The following SLIT3 variants were observed in gnomAD, a reference collection of about 807,000 sequenced individuals.
SLIT3 encodes slit homolog 3 protein.
Under a neutral mutation model 184.0 loss-of-function variants are expected in SLIT3, and 68 were observed. The observed-to-expected ratio is 0.37, with a 90% confidence interval of 0.30 to 0.45. The LOEUF (loss-of-function observed/expected upper bound fraction) is 0.45, where lower values mean the gene tolerates loss of function less well. Among genes scored for constraint, SLIT3 ranks in the 20% least tolerant of loss-of-function variants. The probability of loss-of-function intolerance (pLI) is 1.00; values close to 1 mark genes in which losing one functional copy is unlikely to be tolerated. For synonymous variants in SLIT3, 831 were observed against 828.6 expected (o/e 1.00, Z -0.05); for missense variants, 1,707 against 2,026.0 (o/e 0.84, Z 3.02).
chr5:169,040,733 C>T (rs1282091426), intron 4 of SLIT3, among the ~76,000 whole-genome samples: 1 of 152,214 alleles, frequency 6.6e-6, no homozygotes, highest in African/African-American at 2.4e-5. Flanking sequence ...TCTCCTAGGA[C>T]TCTCCAATCT....
intron 3 of SLIT3, among the ~76,000 whole-genome samples, chr5:169,197,407 G>A (rs1763773980): frequency 1.3e-5 from 2 of 152,152 alleles, no homozygotes; most frequent in East Asian, 1.9e-4. Context: ...TTGAAAAGAT[G>A]ATGAAGGCTC....
At chr5:169,203,408 G>T (rs896574281) in intron 3 of SLIT3, among the ~76,000 whole-genome samples, 1 of 149,692 alleles carries the variant, frequency 6.7e-6, no homozygotes, top group African/African-American at 2.5e-5. Context: ...TAATGTACAT[G>T]CAAGTTAATA....
chr5:169,080,907 T>C (rs912684594), intron 4 of SLIT3, among the ~76,000 whole-genome samples: 1 of 152,036 alleles, frequency 6.6e-6, no homozygotes, highest in East Asian at 1.9e-4. Flanking sequence ...TATTTCATGG[T>C]TTTAAAGAAA....
intron 4 of SLIT3, among the ~76,000 whole-genome samples, chr5:168,947,389 T>C (rs1003566291): frequency 1.3e-5 from 2 of 152,160 alleles, no homozygotes; most frequent in African/African-American, 4.8e-5. Context: ...AGCCACCGTC[T>C]GCCGCCCTGG....
At chr5:168,976,012 A>T (rs1267850686) in intron 4 of SLIT3, among the ~76,000 whole-genome samples, 3 of 151,950 alleles carry the variant, frequency 2.0e-5, no homozygotes, top group Non-Finnish European at 2.9e-5. Context: ...TAAACCACCA[A>T]CTTCACCCTT....
At chr5:168,755,439 TTC>T (rs1312991581) in intron 16 of SLIT3, among the ~76,000 whole-genome samples, 1 of 71,132 alleles carries the variant, frequency 1.4e-5, no homozygotes, top group East Asian at 4.3e-4. Flanking sequence ...CTTTCTTTCT[TTC>T]TTTCTTTTTG....
intron 9 of SLIT3, among the ~76,000 whole-genome samples, chr5:168,796,479 C>T (rs745773369): frequency 2.0e-5 from 3 of 152,212 alleles, no homozygotes; most frequent in Non-Finnish European, 2.9e-5. Flanking sequence ...CTCAGGATCT[C>T]ATCCTCATCC....
chr5:169,004,120 T>C (rs1342582707), intron 4 of SLIT3, among the ~76,000 whole-genome samples: 1 of 152,098 alleles, frequency 6.6e-6, no homozygotes, highest in African/African-American at 2.4e-5. Flanking sequence ...AGTCCATTAA[T>C]TGAAAGGACT....
chr5:168,753,797 G>A, intron 17 of SLIT3, 67 bp downstream of exon 17: 1 of 1,559,310 alleles, frequency 6.4e-7, no homozygotes, highest in South Asian at 1.1e-5. Flanking sequence ...TTCGTAGTCT[G>A]TCTCTAATTC....
At chr5:168,731,484 G>C (rs1003785406) in intron 20 of SLIT3, among the ~76,000 whole-genome samples, 1 of 151,836 alleles carries the variant, frequency 6.6e-6, no homozygotes, top group Non-Finnish European at 1.5e-5. Context: ...ACTAAAACCA[G>C]ACAAGGACAC....
chr5:169,089,292 G>A (rs1277392966), intron 4 of SLIT3, among the ~76,000 whole-genome samples: 3 of 152,064 alleles, frequency 2.0e-5, no homozygotes, highest in African/African-American at 7.2e-5. Flanking sequence ...CTTTGTGCTG[G>A]AAACTTCTAG....
At chr5:168,893,025 G>A (rs754807038) in intron 4 of SLIT3, among the ~76,000 whole-genome samples, 2 of 152,168 alleles carry the variant, frequency 1.3e-5, no homozygotes, top group Admixed American at 6.5e-5. Flanking sequence ...CAGTCCACAC[G>A]TACCTCATTA....
intron 4 of SLIT3, among the ~76,000 whole-genome samples, chr5:169,148,286 A>T (rs539989493): frequency 3.2e-4 from 49 of 152,304 alleles, no homozygotes; most frequent in African/African-American, 1.2e-3. Flanking sequence ...AACCAATTTA[A>T]CTTTGCAAAA....
At chr5:168,677,602 C>T (rs1049417217) in intron 32 of SLIT3, among the ~76,000 whole-genome samples, 8 of 152,212 alleles carry the variant, frequency 5.3e-5, no homozygotes, top group Admixed American at 4.6e-4. Context: ...GCACCCACCA[C>T]CATCCCCGGC....
intron 4 of SLIT3, among the ~76,000 whole-genome samples, chr5:168,887,276 T>C (rs1760256016): frequency 6.6e-6 from 1 of 152,162 alleles, no homozygotes; most frequent in African/African-American, 2.4e-5. Flanking sequence ...GTCACATTCA[T>C]GCTACCAGGA....
Position 168,722,922 on chromosome 5 carries a change from AGT to A in SLIT3, c.2411+9_2411+10del, listed in dbSNP as rs1762989356. On this transcript the variant is annotated intron_variant, in intron 22 of 35. Coordinates refer to ENST00000519560, the MANE Select transcript of SLIT3 (RefSeq NM_003062.4). ...AAGGGCATGGTAAACACAGCATCTC[AGT>A]GTACTCACAGAGTGGAGAGGTGAGA... is the stretch of plus-strand genomic sequence containing the variant. 1 of 1,592,306 alleles carries A rather than the reference AGT, an allele frequency of 6.3e-7. No homozygotes were observed. The highest frequency in any genetic ancestry group is 1.3e-5 in the African/African-American group (1 of 74,630).
In SLIT3 at chr5:168,774,429, C is replaced by A. The variant is rs148256714; in HGVS notation, c.1152-51G>T. 6.4e-6 allele frequency: 10 copies of A among 1,560,574 alleles called. No homozygotes were observed. In the Admixed American group the frequency reaches 1.1e-4, roughly 17 times the overall value. ...ATTCACTAATCCTGGTAATTACCTGCGGGGCAAGGGTTGCACCTGCAGGGG... is the reference window on the plus strand; with the variant it reads ...ATTCACTAATCCTGGTAATTACCTGAGGGGCAAGGGTTGCACCTGCAGGGG... On this transcript the variant is annotated intron_variant, in intron 12 of 35. Coordinates refer to ENST00000519560, the MANE Select transcript of SLIT3 (RefSeq NM_003062.4).
chr5:168,683,952 A>C lies in SLIT3; in HGVS notation c.3686+14T>G. ...AGGAACACACAGTGGGTCAGGAGGG[A>C]GAGAGGCCCTTACCTGTACACTGTG... On this transcript the variant is annotated intron_variant, in intron 32 of 35. Coordinates refer to ENST00000519560, the MANE Select transcript of SLIT3 (RefSeq NM_003062.4). 1.3e-6 allele frequency: 2 copies of C among 1,506,186 alleles called. No individual in the cohort carries two copies. Among genetic ancestry groups the C allele is most frequent in the South Asian group, 2.7e-5 (2 of 75,342 alleles). 93.3% of individuals were successfully genotyped at this position (1,506,186 alleles called of 1,614,324 possible). A position where few individuals can be genotyped will look rare whatever the true frequency, so the allele number is the denominator to read the frequency against.
intron 3 of SLIT3, among the ~76,000 whole-genome samples, chr5:169,229,289 C>A (rs555780450): frequency 1.2e-3 from 187 of 152,086 alleles, no homozygotes; most frequent in African/African-American, 4.4e-3. Flanking sequence ...TTTTTTTGAT[C>A]TTCAAGACAT....
Sources: allele counts gnomAD v4.1 joint callset (sites outside exome capture counted in the v4.1 genomes callset), GRCh38; gene constraint gnomAD v4.1.1; transcripts MANE v1.5; gene names NCBI Gene and HGNC (gene_info 2026-07-23, HGNC 2026-07-21).